SGMS1: variants seen among roughly 807,000 people sequenced by gnomAD.
The protein encoded by SGMS1 is phosphatidylcholine:ceramide cholinephosphotransferase 1.
Under a neutral mutation model 46.2 loss-of-function variants are expected in SGMS1, and 13 were observed. The observed-to-expected ratio is 0.28, with a 90% CI of 0.18 to 0.45. The LOEUF is 0.45. Among genes scored for constraint, SGMS1 ranks in the 20% least tolerant of loss-of-function variants. The pLI is 1.00. For synonymous variants in SGMS1, 203 were observed against 187.8 expected (o/e 1.08, Z -0.66); for missense variants, 324 against 519.9 (o/e 0.62, Z 3.66).
chr10:50,482,795 C>G (rs755061279), intron 3 of SGMS1, among the ~76,000 whole-genome samples: 2 of 152,128 alleles, frequency 1.3e-5, no homozygotes, highest in Non-Finnish European at 2.9e-5. Flanking sequence ...CCCATCTGTG[C>G]ACTGTATTCA....
At chr10:50,386,609 T>TGGCTCCTA (rs562698070) in intron 6 of SGMS1, among the ~76,000 whole-genome samples, 138 of 152,300 alleles carry the variant, frequency 9.1e-4, no homozygotes, top group African/African-American at 3.3e-3. Context: ...CTTCATGCTC[T>TGGCTCCTA]GGCTCCTAGG....
intron 8 of SGMS1, among the ~76,000 whole-genome samples, chr10:50,316,386 G>C (rs527290508): frequency 3.3e-5 from 5 of 152,268 alleles, no homozygotes; most frequent in African/African-American, 1.2e-4. Context: ...TCTGCTGTAG[G>C]TCTCCAGTGT....
intron 1 of SGMS1, among the ~76,000 whole-genome samples, chr10:50,594,492 T>G (rs1838572037): frequency 6.6e-6 from 1 of 152,228 alleles, no homozygotes; most frequent in Admixed American, 6.5e-5. Flanking sequence ...TATGTGTGTT[T>G]TTTTAAACAG....
At chr10:50,450,325 T>C (rs1290807299) in intron 5 of SGMS1, among the ~76,000 whole-genome samples, 2 of 152,182 alleles carry the variant, frequency 1.3e-5, no homozygotes, top group Non-Finnish European at 2.9e-5. Flanking sequence ...CCTTCACCCC[T>C]GGTTAGCCAT....
intron 5 of SGMS1, among the ~76,000 whole-genome samples, chr10:50,449,825 C>A (rs987393225): frequency 6.7e-6 from 1 of 149,684 alleles, no homozygotes; most frequent in Non-Finnish European, 1.5e-5. Flanking sequence ...TCCCACTAGA[C>A]TATTAGCTCC....
intron 3 of SGMS1, among the ~76,000 whole-genome samples, chr10:50,497,566 A>T (rs911917792): frequency 3.3e-5 from 5 of 152,086 alleles, no homozygotes; most frequent in Non-Finnish European, 7.4e-5. Context: ...GCCGAGGCAG[A>T]TGGATCGCCT....
In SGMS1 at chr10:50,532,225, C is replaced by CTGTGTGTGTG. The variant is rs71029313; in HGVS notation, c.-588-12314_-588-12305dup. 5.3e-3 allele frequency among the ~76,000 whole-genome samples: 688 copies of CTGTGTGTGTG among 130,584 alleles called. 7 individuals are homozygous for CTGTGTGTGTG. Among genetic ancestry groups the CTGTGTGTGTG allele is most frequent in the Non-Finnish European group, 6.9e-3 (429 of 61,874 alleles). 85.7% of individuals were successfully genotyped at this position (130,584 alleles called of 152,430 possible). On this transcript the variant is annotated intron_variant, in intron 2 of 10. Transcript: ENST00000361781. ...CTCCACGGTCCCAGTCTGAATGAGA[C>CTGTGTGTGTG]TGTGTGTGTGTGTGTGTGTGTGTGT...
chr10:50,545,557 T>C (rs1044043419), intron 2 of SGMS1, among the ~76,000 whole-genome samples: 1 of 152,120 alleles, frequency 6.6e-6, no homozygotes, highest in Admixed American at 6.5e-5. Context: ...TGCCTCAGCC[T>C]CCTGAGTAGC....
At chr10:50,418,022 G>C (rs937117129) in intron 6 of SGMS1, 1 of 152,256 alleles carries the variant, frequency 6.6e-6, no homozygotes, top group Non-Finnish European at 1.5e-5. Flanking sequence ...CCGTCTGTTA[G>C]TGTATTCTAA....
intron 3 of SGMS1, among the ~76,000 whole-genome samples, chr10:50,505,780 G>A (rs2133764490): frequency 6.6e-6 from 1 of 152,296 alleles, no homozygotes; most frequent in East Asian, 1.9e-4. Flanking sequence ...TGTACCTGAA[G>A]TGGTCAGGGA....
chr10:50,571,521 C>T (rs2208036), intron 2 of SGMS1, among the ~76,000 whole-genome samples: 65,889 of 151,982 alleles, frequency 0.43, 15,710 homozygotes, highest in East Asian at 0.74. Context: ...GAGAGTGGCA[C>T]CACATAGTGT....
At chr10:50,538,555 T>C (rs1321718927) in intron 2 of SGMS1, among the ~76,000 whole-genome samples, 2 of 150,750 alleles carry the variant, frequency 1.3e-5, no homozygotes, top group East Asian at 3.9e-4. Context: ...CACTCCCAAC[T>C]ACTGAAAGGT....
In SGMS1 at chr10:50,538,063, C is replaced by T. The variant is rs192975518; in HGVS notation, c.-588-18142G>A. ...AAGTTACAGTGAGCTATGATTATGC[C>T]ACGGCACTCCAGCCTGGGCAACAGA... On this transcript the variant is annotated intron_variant, in intron 2 of 10. Coordinates refer to ENST00000361781, the MANE Select transcript of SGMS1 (RefSeq NM_147156.4). Among the ~76,000 whole-genome samples the T allele has an allele frequency of 3.5e-4, 53 of 151,796 alleles. No individual in the cohort carries two copies. In the East Asian group the frequency reaches 9.7e-3, roughly 28 times the overall value.
rs375389245 is a variant in SGMS1, at chr10:50,362,290, G to GAGTAGAAA, written c.-231-17953_-231-17946dup. ...CAAAAGAAGAAAAATCTCAAATTCA[G>GAGTAGAAA]AGTAGAAAAGATACAAGTTAACACT... On this transcript the variant is annotated intron_variant, in intron 6 of 10. Coordinates refer to ENST00000361781, the MANE Select transcript of SGMS1 (RefSeq NM_147156.4). Among the ~76,000 whole-genome samples, 500 of 152,270 alleles carry GAGTAGAAA rather than the reference G, an allele frequency of 3.3e-3. 6 individuals are homozygous for GAGTAGAAA. Among genetic ancestry groups the GAGTAGAAA allele is most frequent in the African/African-American group, 0.011 (450 of 41,546 alleles).
chr10:50,313,176 A>T (rs1392367540), intron 8 of SGMS1, among the ~76,000 whole-genome samples: 1 of 152,240 alleles, frequency 6.6e-6, no homozygotes, highest in Admixed American at 6.5e-5. Context: ...AAAGAACTGC[A>T]CAGCAAAGAC....
intron 6 of SGMS1, among the ~76,000 whole-genome samples, chr10:50,352,481 A>T (rs760213154): frequency 6.2e-5 from 9 of 144,528 alleles, no homozygotes; most frequent in Non-Finnish European, 1.4e-4. Context: ...TGGTAATAAT[A>T]TAAGAGTAAA....
At chr10:50,366,961 A>G (rs910283090) in intron 6 of SGMS1, among the ~76,000 whole-genome samples, 79 of 152,354 alleles carry the variant, frequency 5.2e-4, no homozygotes, top group African/African-American at 1.7e-3. Context: ...TAATTTTTAA[A>G]AAAGTGGGCA....
At chr10:50,615,165 A>G (rs1403729244) in intron 1 of SGMS1, among the ~76,000 whole-genome samples, 2 of 152,242 alleles carry the variant, frequency 1.3e-5, no homozygotes, top group African/African-American at 4.8e-5. Context: ...TTACTTGTTC[A>G]GTCTGCAACC....
chr10:50,574,963 G>GTATATATATATATATGTGTATATA (rs1554793449), intron 2 of SGMS1, among the ~76,000 whole-genome samples: 23 of 99,864 alleles, frequency 2.3e-4, no homozygotes, highest in South Asian at 7.9e-4. Context: ...AAAATGTGGT[G>GTATATATATATATATGTGTATATA]TATATATATA....
Sources: allele counts gnomAD v4.1 joint callset (sites outside exome capture counted in the v4.1 genomes callset), GRCh38; gene constraint gnomAD v4.1.1; transcripts MANE v1.5; gene names NCBI Gene and HGNC (gene_info 2026-07-23, HGNC 2026-07-21).